The following MAGI2 variants were observed in gnomAD, a reference collection of about 807,000 sequenced individuals.
MAGI2 encodes membrane associated guanylate kinase, WW and PDZ domain containing 2.
In MAGI2, 35 loss-of-function variants were observed where a neutral mutation model predicts 133.3. The observed-to-expected ratio is 0.26, with a 90% CI of 0.20 to 0.35. The LOEUF (loss-of-function observed/expected upper bound fraction) is 0.35, where lower values mean the gene tolerates loss of function less well. Among genes scored for constraint, MAGI2 ranks in the 10% least tolerant of loss-of-function variants. MAGI2 has a pLI of 1.00. For missense variants in MAGI2, 1,636 were observed against 1,863.4 expected (o/e 0.88, Z 2.25); for synonymous variants, 729 against 710.6 (o/e 1.03, Z -0.41).
At chr7:78,332,096 A>G (rs79979885) in intron 9 of MAGI2, among the ~76,000 whole-genome samples, 2,153 of 152,302 alleles carry the variant, frequency 0.014, 59 homozygotes, top group African/African-American at 0.049. Context: ...AGCAGAGATG[A>G]GAACCTAGGA....
At position 78,659,236 on chromosome 7, in the gene MAGI2, G is replaced by A. The variant is rs535557582; in HGVS notation, c.419-31997C>T. Among the ~76,000 whole-genome samples, 3 of 151,896 alleles carry A rather than the reference G, an allele frequency of 2.0e-5. No homozygotes were observed. The South Asian group carries it at 6.2e-4, about 32-fold the overall frequency. ...GAGGCCGAGGCAGGCGGATCACGAG[G>A]TCAGGAGATTGAGACCATCCTGGTT... On this transcript the variant is annotated intron_variant, in intron 2 of 21. Transcript: ENST00000354212.
At chr7:78,256,923 G>A (rs919801511) in intron 9 of MAGI2, among the ~76,000 whole-genome samples, 2 of 152,146 alleles carry the variant, frequency 1.3e-5, no homozygotes, top group African/African-American at 4.8e-5. Context: ...TCCATCTTCA[G>A]TGTAATTCAG....
At chr7:78,310,638 A>G (rs1374295909) in intron 9 of MAGI2, among the ~76,000 whole-genome samples, 1 of 152,172 alleles carries the variant, frequency 6.6e-6, no homozygotes, top group African/African-American at 2.4e-5. Context: ...GTTTACTAAG[A>G]TGACAAGGAT....
intron 2 of MAGI2, among the ~76,000 whole-genome samples, chr7:79,005,106 T>C (rs997059972): frequency 1.3e-5 from 2 of 151,260 alleles, no homozygotes; most frequent in South Asian, 2.1e-4. Flanking sequence ...AAAAAAGATA[T>C]ACTGAGTCAA....
intron 2 of MAGI2, among the ~76,000 whole-genome samples, chr7:78,740,430 G>A (rs112478412): frequency 1.7e-4 from 26 of 152,296 alleles, no homozygotes; most frequent in African/African-American, 5.8e-4. Context: ...TGGGATGTGA[G>A]TCAAGTTTTG....
chr7:78,902,444 C>G (rs1797679164), intron 2 of MAGI2: 1 of 152,002 alleles, frequency 6.6e-6, no homozygotes, highest in Non-Finnish European at 1.5e-5. Context: ...AGCAAATAAC[C>G]TGGAGCAACA....
At chr7:79,412,044 A>C (rs943789607) in intron 1 of MAGI2, 8 of 152,250 alleles carry the variant, frequency 5.3e-5, no homozygotes, top group Middle Eastern at 3.4e-3. Context: ...TTAAAATAAA[A>C]GATTTCATCA....
chr7:79,078,522 G>A (rs992646793), intron 1 of MAGI2, among the ~76,000 whole-genome samples: 1 of 152,170 alleles, frequency 6.6e-6, no homozygotes, highest in Admixed American at 6.5e-5. Context: ...TCTAGAAAGA[G>A]ACTGAAAATC....
intron 2 of MAGI2, among the ~76,000 whole-genome samples, chr7:78,783,297 A>G (rs1012639413): frequency 2.6e-5 from 4 of 152,062 alleles, no homozygotes; most frequent in African/African-American, 9.7e-5. Context: ...TTACTAACAA[A>G]ACAAACAACT....
chr7:79,346,610 C>G (rs1166734093), intron 1 of MAGI2, among the ~76,000 whole-genome samples: 2 of 151,920 alleles, frequency 1.3e-5, no homozygotes, highest in Non-Finnish European at 1.5e-5. Flanking sequence ...CTTCAGTTCT[C>G]TGATCCACTA....
chr7:79,144,704 T>C (rs958421009), intron 1 of MAGI2, among the ~76,000 whole-genome samples: 15 of 152,228 alleles, frequency 9.9e-5, no homozygotes, highest in Non-Finnish European at 1.9e-4. Flanking sequence ...CAGGCATTAT[T>C]ACTCTCATTT....
chr7:78,157,387 G>C (rs1238304310), intron 16 of MAGI2, among the ~76,000 whole-genome samples: 2 of 152,276 alleles, frequency 1.3e-5, no homozygotes, highest in East Asian at 3.9e-4. Flanking sequence ...ATGCCATTTG[G>C]TAGGAAGAAA....
chr7:79,322,726 C>T (rs1436612126), intron 1 of MAGI2, among the ~76,000 whole-genome samples: 6 of 148,440 alleles, frequency 4.0e-5, no homozygotes, highest in South Asian at 2.1e-4. Flanking sequence ...GCAGAGGTTG[C>T]GGTGAGCTGA....
intron 1 of MAGI2, among the ~76,000 whole-genome samples, chr7:79,078,284 G>A (rs1203485480): frequency 2.1e-5 from 2 of 94,588 alleles, no homozygotes; most frequent in East Asian, 2.4e-4. Context: ...AATACAAACC[G>A]ATTCCATAGG....
intron 2 of MAGI2, among the ~76,000 whole-genome samples, chr7:78,922,005 C>T (rs895027515): frequency 4.6e-5 from 7 of 151,982 alleles, no homozygotes; most frequent in Admixed American, 3.9e-4. Context: ...ACAAATTCTT[C>T]CTTTGGCCAT....
intron 1 of MAGI2, chr7:79,414,727 C>G (rs1001347447): frequency 6.6e-6 from 1 of 152,044 alleles, no homozygotes; most frequent in Non-Finnish European, 1.5e-5. Flanking sequence ...ATAAATGTAT[C>G]TGTTGAACAT....
chr7:78,792,237 G>A lies in MAGI2; in HGVS notation c.419-164998C>T, dbSNP rs192358981. Among the ~76,000 whole-genome samples the A allele has an allele frequency of 1.1e-4, 17 of 152,286 alleles. 1 individual carries two copies. The East Asian group carries it at 1.4e-3, about 12-fold the overall frequency. ...TAAAACTGTCATAGTGTTACAGCAC[G>A]GAGGAAGACACGTAAAGCCTTTACA... On this transcript the variant is annotated intron_variant, in intron 2 of 21. Transcript: ENST00000354212.
In MAGI2 at chr7:78,562,367, G is replaced by T. The variant is rs150704143; in HGVS notation, c.539-40722C>A. ...TATACACTGTAGTAGAAAGGAAATG[G>T]TTTCCTTAGCAACAATAACCACACA... is the stretch of plus-strand genomic sequence containing the variant. On this transcript the variant is annotated intron_variant, in intron 3 of 21. Transcript: ENST00000354212. Among the ~76,000 whole-genome samples the T allele has an allele frequency of 3.9e-5, 6 of 152,280 alleles. No homozygotes were observed. In the East Asian group the frequency reaches 1.2e-3, roughly 29 times the overall value.
intron 2 of MAGI2, among the ~76,000 whole-genome samples, chr7:78,955,740 T>TCTTC (rs1562713003): frequency 5.7e-5 from 3 of 52,898 alleles, no homozygotes; most frequent in African/African-American, 2.5e-4. Flanking sequence ...TTTCTTTCTT[T>TCTTC]CTTTCTTTCT....
Sources: gnomAD v4.1 joint callset for allele counts (sites outside exome capture counted in the v4.1 genomes callset) on GRCh38, gnomAD v4.1.1 for gene constraint, MANE v1.5 for transcripts, NCBI Gene and HGNC (gene_info 2026-07-23, HGNC 2026-07-21) for gene names.